CSMD2: variants seen among roughly 807,000 people sequenced by gnomAD.
CSMD2 encodes CUB and Sushi multiple domains 2, also known as CUB and sushi domain-containing protein 2.
CSMD2 carries 130 observed loss-of-function variants against 398.5 expected under a neutral mutation model. The ratio of observed to expected loss-of-function variants is 0.33; its 90% CI spans 0.28 to 0.38. The LOEUF (loss-of-function observed/expected upper bound fraction) is 0.38, where lower values mean the gene tolerates loss of function less well. Ranked by LOEUF, CSMD2 falls within the 10% of genes least tolerant of loss-of-function variation. The pLI is 1.00. For synonymous variants in CSMD2, 1,828 were observed against 1,908.5 expected (o/e 0.96, Z 1.10); for missense variants, 3,829 against 4,764.9 (o/e 0.80, Z 5.78).
At chr1:33,666,190 T>C (rs1041742583) in intron 25 of CSMD2, among the ~76,000 whole-genome samples, 9 of 152,184 alleles carry the variant, frequency 5.9e-5, no homozygotes, top group Non-Finnish European at 1.2e-4. Context: ...TTTGATTTTT[T>C]CCCTAAAACT....
Position 33,528,976 on chromosome 1 carries a change from A to G in CSMD2, c.10172-1718T>C, listed in dbSNP as rs556781826. ...CTCCCCAAATTGATCTACAGGTTCA[A>G]TGCAATTTCTGCCAAAATTCCAGCT... On this transcript the variant is annotated intron_variant, in intron 64 of 70. Coordinates refer to ENST00000373381, the MANE Select transcript of CSMD2 (RefSeq NM_001281956.2). 2.6e-5 allele frequency among the ~76,000 whole-genome samples: 4 copies of G among 152,364 alleles called. No individual in the cohort carries two copies. The East Asian group carries it at 7.7e-4, about 29-fold the overall frequency.
chr1:33,904,219 G>A (rs1257596408), intron 5 of CSMD2, among the ~76,000 whole-genome samples: 3 of 152,220 alleles, frequency 2.0e-5, no homozygotes, highest in Non-Finnish European at 4.4e-5. Flanking sequence ...AGGGAGACAA[G>A]GCCCCCGAGC....
At chr1:33,728,491 C>T (rs1646616394) in intron 15 of CSMD2, among the ~76,000 whole-genome samples, 2 of 152,092 alleles carry the variant, frequency 1.3e-5, no homozygotes, top group Admixed American at 1.3e-4. Flanking sequence ...AATTGCTACA[C>T]ATGTGTTATC....
intron 1 of CSMD2, among the ~76,000 whole-genome samples, chr1:34,109,199 T>C (rs984206134): frequency 6.6e-6 from 1 of 152,212 alleles, no homozygotes; most frequent in Admixed American, 6.5e-5. Flanking sequence ...GCAATTTCAC[T>C]TTGCTTTCCC....
Position 33,537,598 on chromosome 1 carries a change from C to G in CSMD2, c.9643G>C (p.Gly3215Arg). ...ELPQCFPVFCGDPGVPSRGRR... is the reference protein window; with the variant it reads ...ELPQCFPVFCRDPGVPSRGRR... ...CCACGGGACGGGACACCAGGATCCCCGCAGAACACAGCTGGGAAGACGAAG... is the reference window on the plus strand; with the variant it reads ...CCACGGGACGGGACACCAGGATCCCGGCAGAACACAGCTGGGAAGACGAAG... The change falls in exon 61 of 71, where the codon GGG becomes CGG. Residue 3215 changes from glycine (G) to arginine (R), a missense_variant. Gly to Arg is a moderately radical substitution (Grantham distance 125, BLOSUM62 -2). Around this residue, in one of 5 missense-constraint regions of CSMD2, gnomAD observed 917 missense variants for 1,199.5 expected, o/e 0.76. Transcript: ENST00000373381. The surrounding 1 kb of genome is among the most constrained non-coding windows in gnomAD (Gnocchi z 4.6). 6.2e-7 allele frequency: 1 copy of G among 1,613,092 alleles called. No homozygotes were observed. The highest frequency in any genetic ancestry group is 8.5e-7 in the Non-Finnish European group (1 of 1,179,480).
chr1:33,908,610 G>A (rs944784936), intron 5 of CSMD2, among the ~76,000 whole-genome samples: 11 of 152,350 alleles, frequency 7.2e-5, no homozygotes, highest in African/African-American at 1.4e-4. Context: ...TAGCAGAGCC[G>A]CTGTGCCCAC....
At chr1:33,550,041 C>A (rs1657285494) in intron 56 of CSMD2, 136 bp downstream of exon 56, 2 of 826,282 alleles carry the variant, frequency 2.4e-6, no homozygotes, top group Admixed American at 2.5e-5. Flanking sequence ...TGCTTTCTAC[C>A]TGTTAGGGTA....
At chr1:33,692,569 C>T (rs1306763759) in intron 25 of CSMD2, among the ~76,000 whole-genome samples, 1 of 152,224 alleles carries the variant, frequency 6.6e-6, no homozygotes, top group Non-Finnish European at 1.5e-5. Context: ...GATCCACACT[C>T]TACAGAAGAG....
In CSMD2 at chr1:33,615,947, C is replaced by A. The variant is rs1641356999; in HGVS notation, c.6016+959G>T. Among the ~76,000 whole-genome samples the A allele has an allele frequency of 2.0e-5, 3 of 152,358 alleles. No individual in the cohort carries two copies. The South Asian group carries it at 6.2e-4, about 32-fold the overall frequency. ...TAGGTTTCCGTTCCTGACTCTGCCA[C>A]TTCCTTTTTAATCCTAAAAGACTGA... On this transcript the variant is annotated intron_variant, in intron 39 of 70. Coordinates refer to ENST00000373381, the MANE Select transcript of CSMD2 (RefSeq NM_001281956.2).
chr1:33,624,791 G>A lies in CSMD2; in HGVS notation c.5501-148C>T, dbSNP rs2148883217. The stretch of plus-strand genomic sequence containing the variant: ...ATGTCCCCAGTCCTGCCTTCTCCAC[G>A]GCCTCTCCCCATGCAACTCTGTTCG... On this transcript the variant is annotated intron_variant, in intron 34 of 70. Coordinates refer to ENST00000373381, the MANE Select transcript of CSMD2 (RefSeq NM_001281956.2). This position sits in a 1 kb window ranked among gnomAD's most constrained non-coding sequence, Gnocchi z 4.7. 5.3e-6 allele frequency: 6 copies of A among 1,142,398 alleles called. No individual in the cohort carries two copies. In the East Asian group the frequency reaches 1.0e-4, roughly 20 times the overall value. 70.8% of individuals were successfully genotyped at this position (1,142,398 alleles called of 1,614,324 possible).
intron 17 of CSMD2, 42 bp from the exon 18 acceptor site, chr1:33,724,746 C>T: frequency 6.3e-7 from 1 of 1,584,872 alleles, no homozygotes; most frequent in South Asian, 1.1e-5. Flanking sequence ...AGCTTACTGT[C>T]ACTACAGAGG....
chr1:33,933,620 G>A (rs917637549), intron 4 of CSMD2, among the ~76,000 whole-genome samples: 8 of 152,166 alleles, frequency 5.3e-5, no homozygotes, highest in African/African-American at 1.7e-4. Flanking sequence ...CATCCTTAAG[G>A]CAGGGGGTGG....
At chr1:33,732,187 A>T (rs185674213) in intron 15 of CSMD2, among the ~76,000 whole-genome samples, 15 of 152,300 alleles carry the variant, frequency 9.8e-5, no homozygotes, top group Admixed American at 9.8e-4. Context: ...TTGAACAGGG[A>T]GAAGAGCTCA....
At chr1:33,850,840 C>T (rs888192751) in intron 5 of CSMD2, among the ~76,000 whole-genome samples, 1 of 152,020 alleles carries the variant, frequency 6.6e-6, no homozygotes, top group African/African-American at 2.4e-5. Flanking sequence ...AAAATCACTC[C>T]CTGTAATGCA....
At chr1:33,676,646 C>T (rs1179029586) in intron 25 of CSMD2, among the ~76,000 whole-genome samples, 1 of 152,120 alleles carries the variant, frequency 6.6e-6, no homozygotes, top group Non-Finnish European at 1.5e-5. Context: ...GAGCCCGCAT[C>T]ACCAAGTCAA....
chr1:33,967,887 CAG>C (rs1211295233), intron 3 of CSMD2, among the ~76,000 whole-genome samples: 2 of 152,174 alleles, frequency 1.3e-5, no homozygotes, highest in African/African-American at 2.4e-5. Context: ...TCTAGGGTAA[CAG>C]AGAGTCAGAA....
intron 25 of CSMD2, among the ~76,000 whole-genome samples, chr1:33,665,959 A>G (rs1644303654): frequency 6.6e-6 from 1 of 152,132 alleles, no homozygotes; most frequent in Non-Finnish European, 1.5e-5. Context: ...CCTAAGATGT[A>G]TCTGACATTT....
At chr1:33,683,474 G>A (rs3754063) in intron 25 of CSMD2, among the ~76,000 whole-genome samples, 23,263 of 152,036 alleles carry the variant, frequency 0.15, 2,139 homozygotes, top group Admixed American at 0.24. Flanking sequence ...ATCTATACTG[G>A]TTCAGTGTGG....
chr1:33,940,764 C>G (rs1464017013), intron 3 of CSMD2, among the ~76,000 whole-genome samples: 2 of 152,196 alleles, frequency 1.3e-5, no homozygotes, highest in African/African-American at 4.8e-5. Context: ...TTTCATCATT[C>G]TAGGCACTGC....
Sources: gnomAD v4.1 joint callset for allele counts (sites outside exome capture counted in the v4.1 genomes callset) on GRCh38, gnomAD v4.1.1 for gene constraint, gnomAD v4.1.1 regional missense constraint, Gnocchi (gnomAD v3.1) non-coding constraint, MANE v1.5 for transcripts, NCBI Gene and HGNC (gene_info 2026-07-23, HGNC 2026-07-21) for gene names.